ANKRD42: variants seen among roughly 807,000 people sequenced by gnomAD.
The protein encoded by ANKRD42 is ankyrin repeat domain-containing protein 42.
Under a neutral mutation model 51.5 loss-of-function variants are expected in ANKRD42, and 43 were observed. The ratio of observed to expected loss-of-function variants is 0.83; its 90% CI spans 0.65 to 1.08. The LOEUF is 1.08. Ranked by LOEUF, ANKRD42 falls within the 50% of genes least tolerant of loss-of-function variation. ANKRD42 has a pLI of 0.00. For missense variants in ANKRD42, 608 were observed against 629.3 expected (o/e 0.97, Z 0.36); for synonymous variants, 203 against 213.0 (o/e 0.95, Z 0.41).
intron 5 of ANKRD42, among the ~76,000 whole-genome samples, chr11:83,217,343 A>T (rs953246612): frequency 6.6e-5 from 10 of 152,220 alleles, no homozygotes; most frequent in Non-Finnish European, 7.3e-5. Context: ...AGCTTTGGCT[A>T]ATATGTTCCT....
intron 7 of ANKRD42, 145 bp downstream of exon 7, chr11:83,228,017 A>G: frequency 1.3e-6 from 1 of 791,400 alleles, no homozygotes; most frequent in East Asian, 3.1e-5. Context: ...TATGGTATAT[A>G]GAATGCCTAA....
chr11:83,237,855 C>G (rs139143377), intron 8 of ANKRD42, among the ~76,000 whole-genome samples: 2,331 of 152,310 alleles, frequency 0.015, 31 homozygotes, highest in Middle Eastern at 0.044. Context: ...CCGTCAAAGT[C>G]TCCTGCCACT....
Position 83,210,871 on chromosome 11 carries a change from TAGA to T in ANKRD42, c.451-417_451-415del, listed in dbSNP as rs530016144. Among the ~76,000 whole-genome samples, 30 of 152,346 alleles carry T rather than the reference TAGA, an allele frequency of 2.0e-4. No homozygotes were observed. The East Asian group carries it at 3.7e-3, about 19-fold the overall frequency. The stretch of plus-strand genomic sequence containing the variant: ...TATGTAGTGGTTGTAATAAATAACG[TAGA>T]AGAAGAGAACTAAATATATTGAAGA... On this transcript the variant is annotated intron_variant, in intron 4 of 10. Transcript: ENST00000533342.
At chr11:83,253,919 G>A (rs1406309058), downstream of ANKRD42, among the ~76,000 whole-genome samples, 1 of 152,122 alleles carries the variant, frequency 6.6e-6, no homozygotes, top group African/African-American at 2.4e-5. Flanking sequence ...GGAAAATTTG[G>A]AATCCTCTTC....
At chr11:83,207,979 C>G (rs1420645869) in intron 3 of ANKRD42, among the ~76,000 whole-genome samples, 1 of 152,076 alleles carries the variant, frequency 6.6e-6, no homozygotes. Flanking sequence ...GTTTTTCCCC[C>G]CCTCCTCAAC....
chr11:83,231,778 C>T (rs1047635665), intron 7 of ANKRD42, among the ~76,000 whole-genome samples: 1 of 152,070 alleles, frequency 6.6e-6, no homozygotes, highest in Non-Finnish European at 1.5e-5. Flanking sequence ...TATGGATATC[C>T]AGTTTTTTCC....
downstream of ANKRD42, among the ~76,000 whole-genome samples, chr11:83,253,560 T>A (rs1012973453): frequency 6.6e-6 from 1 of 152,238 alleles, no homozygotes; most frequent in Admixed American, 6.5e-5. Flanking sequence ...AGGATTTTTG[T>A]CTAATTTTGT....
intron 3 of ANKRD42, chr11:83,209,272 A>G (rs1450908360): frequency 1.6e-6 from 1 of 642,756 alleles, no homozygotes; most frequent in Non-Finnish European, 2.8e-6. Context: ...TGTAAAATCA[A>G]TATTATAAGT....
Position 83,193,759 on chromosome 11 carries a change from G to A in ANKRD42, c.-912G>A. ...CTGCTGCCTCTCCAGCCAAGTGGCTGGAGTCGGGAGGCTGGAAAGAGACTC... is the reference window on the plus strand; with the variant it reads ...CTGCTGCCTCTCCAGCCAAGTGGCTAGAGTCGGGAGGCTGGAAAGAGACTC... On this transcript the variant is annotated 5_prime_UTR_variant, in exon 1 of 11. Coordinates refer to ENST00000533342, the MANE Select transcript of ANKRD42 (RefSeq NM_001300975.2). 1.8e-5 allele frequency: 8 copies of A among 437,954 alleles called. No homozygotes were observed. The highest frequency in any genetic ancestry group is 1.3e-4 in the South Asian group (8 of 63,494). The allele number at this position is 437,954 out of a possible 1,614,324, so 27.1% of individuals were successfully genotyped here. A position where few individuals can be genotyped will look rare whatever the true frequency, so the allele number is the denominator to read the frequency against.
chr11:83,212,601 G>A, intron 5 of ANKRD42: 1 of 1,370,240 alleles, frequency 7.3e-7, no homozygotes, highest in Non-Finnish European at 1.0e-6. Flanking sequence ...ACACACAAAG[G>A]GGAAGGGCAG....
intron 5 of ANKRD42, among the ~76,000 whole-genome samples, chr11:83,216,962 TGTG>T (rs1862559501): frequency 6.8e-6 from 1 of 146,658 alleles, no homozygotes; most frequent in Non-Finnish European, 1.5e-5. Flanking sequence ...GCCCTGCAGT[TGTG>T]GTGTCCTCCA....
Position 83,194,683 on chromosome 11 carries a change from G to T in ANKRD42, c.13G>T (p.Ala5Ser). The T allele has an allele frequency of 6.2e-7, 1 of 1,613,240 alleles. No individual in the cohort carries two copies. Among genetic ancestry groups the T allele is most frequent in the Non-Finnish European group, 8.5e-7 (1 of 1,179,692 alleles). Residue 5 changes from alanine (A) to serine (S), a missense_variant, in exon 1 of 11, where the codon GCC becomes TCC. Ala to Ser is a moderately conservative substitution (Grantham distance 99, BLOSUM62 1). Coordinates refer to ENST00000533342, the MANE Select transcript of ANKRD42 (RefSeq NM_001300975.2). ...GAGGTGTTGCGCCATGCCCGGGGTG[G>T]CCAATTCAGGCCCCTCCACTTCCTC... MPGV[A>S]NSGPSTSSRE... is the part of the protein sequence containing the mutation.
In ANKRD42 at chr11:83,240,874, G is replaced by A. The variant is rs1591005844; in HGVS notation, c.1135G>A (p.Gly379Arg). ...ATATTTTATAAGACATGGTGTTGAG[G>A]GAAGCACTGATGCCAAGGATGATTT... ...VKYFIRHGVEGSTDAKDDLCL... is the reference protein window; with the variant it reads ...VKYFIRHGVERSTDAKDDLCL... Residue 379 changes from glycine (G) to arginine (R), a missense_variant, in exon 9 of 11, where the codon GGA becomes AGA. Physicochemically the swap from Gly to Arg is moderately radical, Grantham distance 125. Coordinates refer to ENST00000533342, the MANE Select transcript of ANKRD42 (RefSeq NM_001300975.2). 1.2e-6 allele frequency: 2 copies of A among 1,614,062 alleles called. No individual in the cohort carries two copies. The highest frequency in any genetic ancestry group is 1.7e-6 in the Non-Finnish European group (2 of 1,179,978).
chr11:83,212,217 G>C (rs994410066), intron 5 of ANKRD42, among the ~76,000 whole-genome samples: 2 of 151,958 alleles, frequency 1.3e-5, no homozygotes, highest in Non-Finnish European at 2.9e-5. Flanking sequence ...TTCGTAGCTG[G>C]GTTTCAGGCA....
chr11:83,215,113 TTATC>T (rs1319338257), intron 5 of ANKRD42: 1 of 152,240 alleles, frequency 6.6e-6, no homozygotes, highest in East Asian at 1.9e-4. Context: ...TACATTTTCT[TTATC>T]CATTCATCAC....
At chr11:83,263,516 CTG>C (rs1436625106), downstream of ANKRD42, among the ~76,000 whole-genome samples, 4 of 152,228 alleles carry the variant, frequency 2.6e-5, no homozygotes, top group East Asian at 7.7e-4. Flanking sequence ...TTTAAGCACT[CTG>C]TAAACATTAG....
chr11:83,235,918 T>C (rs773561834), intron 7 of ANKRD42, among the ~76,000 whole-genome samples: 3 of 152,240 alleles, frequency 2.0e-5, no homozygotes, highest in Non-Finnish European at 4.4e-5. Context: ...ATCAGAAGAA[T>C]ACATATATAT....
At position 83,246,957 on chromosome 11, in the gene ANKRD42, A is replaced by G. The variant is rs569501685; in HGVS notation, c.1323-986A>G. ...TGTTTTTTTCCCTGCTACCCTATTA[A>G]CTGAAACTACCTCTTGATGTGATTT... On this transcript the variant is annotated intron_variant, in intron 10 of 10. Transcript: ENST00000533342. Among the ~76,000 whole-genome samples the G allele has an allele frequency of 5.5e-4, 83 of 152,194 alleles. 1 individual carries two copies. The highest frequency in any genetic ancestry group is 9.1e-4 in the Non-Finnish European group (62 of 68,034).
intron 6 of ANKRD42, 118 bp from the exon 7 acceptor site, chr11:83,227,629 C>A: frequency 9.8e-7 from 1 of 1,022,012 alleles, no homozygotes; most frequent in Non-Finnish European, 1.4e-6. Flanking sequence ...CTGAACTCAT[C>A]CGATTACAAC....
Sources: gnomAD v4.1 joint callset for allele counts (sites outside exome capture counted in the v4.1 genomes callset) on GRCh38, gnomAD v4.1.1 for gene constraint, MANE v1.5 for transcripts, NCBI Gene and HGNC (gene_info 2026-07-23, HGNC 2026-07-21) for gene names.